Variants in EIF3B observed in about 807,000 individuals in gnomAD.
EIF3B encodes eukaryotic translation initiation factor 3 subunit B.
In EIF3B, 10 loss-of-function variants were observed where a neutral mutation model predicts 104.6. The observed-to-expected ratio is 0.10, with a 90% CI of 0.06 to 0.16. The LOEUF (loss-of-function observed/expected upper bound fraction) is 0.16, where lower values mean the gene tolerates loss of function less well. Ranked by LOEUF, EIF3B falls within the 10% of genes least tolerant of loss-of-function variation. EIF3B has a pLI of 1.00. For synonymous variants in EIF3B, 542 were observed against 417.2 expected, an observed-to-expected ratio of 1.30 and a Z score of -3.65; for missense variants, 1,014 against 1,087.9, an observed-to-expected ratio of 0.93 and a Z score of 0.96.
intron 15 of EIF3B, among the ~76,000 whole-genome samples, chr7:2,377,573 C>G (rs371630362): frequency 0.024 from 1,943 of 79,462 alleles, 66 homozygotes; most frequent in African/African-American, 0.1. Flanking sequence ...ATGCTGTGTT[C>G]TGTGAATGAC....
rs961886574 is a variant in EIF3B at position 2,380,229 on chromosome 7, G to C, written c.*40G>C. 1 of 422,176 alleles carries C rather than the reference G, an allele frequency of 2.4e-6. No homozygotes were observed. Among genetic ancestry groups the C allele is most frequent in the Non-Finnish European group, 4.7e-6 (1 of 210,952 alleles). 26.2% of individuals were successfully genotyped at this position (422,176 alleles called of 1,614,324 possible). On this transcript the variant is annotated 3_prime_UTR_variant, in exon 19 of 19. Transcript: ENST00000360876. ...GGGACGGACTCCGCCTGCTGTTCCC[G>C]CGCTGAGCTACAGGACTCCCGAGTG... is the stretch of plus-strand genomic sequence containing the variant.
intron 1 of EIF3B, among the ~76,000 whole-genome samples, chr7:2,360,069 T>C (rs1779648510): frequency 6.6e-6 from 1 of 152,182 alleles, no homozygotes; most frequent in African/African-American, 2.4e-5. Flanking sequence ...TTTGGGTTTT[T>C]TCCCCATCCC....
At chr7:2,378,994 T>A (rs1273992839) in intron 16 of EIF3B, 140 bp from the exon 17 acceptor site, 20 of 792,416 alleles carry the variant, frequency 2.5e-5, no homozygotes, top group Non-Finnish European at 4.1e-5. Flanking sequence ...GGGGGAAAAG[T>A]GAGAATGAAT....
At chr7:2,356,450 A>C (rs948908312) in intron 1 of EIF3B, among the ~76,000 whole-genome samples, 3 of 152,022 alleles carry the variant, frequency 2.0e-5, no homozygotes, top group African/African-American at 7.3e-5. Context: ...AAATAAAAAA[A>C]AATTAGCCGG....
In EIF3B at chr7:2,369,622, T is replaced by C. The variant is rs368996785; in HGVS notation, c.1554T>C (p.His518=). ...TCAATGTGGTGGACTGCAAGCTCCA[T>C]TGGCAGAAGAACGGAGACTACTTGT... is the stretch of plus-strand genomic sequence containing the variant. ...NLFNVVDCKL[H]WQKNGDYLCV... The change falls in exon 10 of 19, where the codon CAT becomes CAC. Residue 518 remains histidine, a synonymous_variant. Transcript: ENST00000360876. The C allele has an allele frequency of 1.5e-5, 25 of 1,613,990 alleles. No individual in the cohort carries two copies. In the African/African-American group the frequency reaches 2.3e-4, roughly 15 times the overall value.
At chr7:2,373,819 C>T (rs2115328186) in intron 12 of EIF3B, 1 of 152,384 alleles carries the variant, frequency 6.6e-6, no homozygotes, top group Admixed American at 6.5e-5. Context: ...GGCTCCATCC[C>T]ATGCCCGTGG....
chr7:2,361,274 G>T (rs1410041131), intron 2 of EIF3B, among the ~76,000 whole-genome samples: 2 of 152,074 alleles, frequency 1.3e-5, no homozygotes. Context: ...AATAAATAAA[G>T]TAAAAACTAA....
chr7:2,371,811 G>C lies in EIF3B; in HGVS notation c.1649G>C (p.Arg550Thr). The C allele has an allele frequency of 2.5e-6, 4 of 1,613,986 alleles. No individual in the cohort carries two copies. Among genetic ancestry groups the C allele is most frequent in the Non-Finnish European group, 3.4e-6 (4 of 1,179,978 alleles). The change falls in exon 11 of 19, where the codon AGG becomes ACG. Residue 550 changes from arginine (R) to threonine (T), a missense_variant. Physicochemically the swap from Arg to Thr is moderately conservative, Grantham distance 71 (BLOSUM62 -1). Coordinates refer to ENST00000360876, the MANE Select transcript of EIF3B (RefSeq NM_001037283.2). ...ACAAATTTTGAAATTTTCCGAATGA[G>C]GGAGAAACAGGTACCTGTGGATGTG... ...VVTNFEIFRMREKQVPVDVVE... is the reference protein window; with the variant it reads ...VVTNFEIFRMTEKQVPVDVVE...
chr7:2,355,414 G>C lies in EIF3B; in HGVS notation c.493G>C (p.Glu165Gln). The C allele has an allele frequency of 6.9e-7, 1 of 1,457,762 alleles. No individual in the cohort carries two copies. The highest frequency in any genetic ancestry group is 9.1e-7 in the Non-Finnish European group (1 of 1,104,362). 90.3% of individuals were successfully genotyped at this position (1,457,762 alleles called of 1,614,324 possible). A position where few individuals can be genotyped will look rare whatever the true frequency, so the allele number is the denominator to read the frequency against. The change falls in exon 1 of 19, where the codon GAG becomes CAG. Residue 165 changes from glutamate (E) to glutamine (Q), a missense_variant. Glu to Gln is a conservative substitution (Grantham distance 29, BLOSUM62 2). Around this residue, in one of 4 missense-constraint regions of EIF3B, gnomAD observed 488 missense variants for 404.3 expected, o/e 1.21. Coordinates refer to ENST00000360876, the MANE Select transcript of EIF3B (RefSeq NM_001037283.2). Reference sequence around the variant, plus strand: ...CGAGGACTTCGTGGACGACGTGAGCGAGGAAGGTGAGGGCGCCCGGGGCGG... The same window carrying C: ...CGAGGACTTCGTGGACGACGTGAGCCAGGAAGGTGAGGGCGCCCGGGGCGG... ...DPEDFVDDVSEEELLGDVLKD... is the reference protein window; with the variant it reads ...DPEDFVDDVSQEELLGDVLKD...
At chr7:2,371,004 A>C (rs989076696) in intron 10 of EIF3B, among the ~76,000 whole-genome samples, 1 of 152,170 alleles carries the variant, frequency 6.6e-6, no homozygotes, top group Non-Finnish European at 1.5e-5. Context: ...CGGAGCTTGC[A>C]GTGAGCCGAG....
chr7:2,367,824 A>ATTTTTTT (rs1562484073), intron 9 of EIF3B, among the ~76,000 whole-genome samples: 9 of 101,722 alleles, frequency 8.8e-5, no homozygotes, highest in African/African-American at 3.3e-4. Flanking sequence ...CTTTTTTTAA[A>ATTTTTTT]ATTTTTTTTT....
intron 10 of EIF3B, 75 bp downstream of exon 10, chr7:2,369,757 G>A: frequency 4.1e-6 from 3 of 735,912 alleles, no homozygotes; most frequent in East Asian, 3.0e-5. Context: ...TTTGGAGGGT[G>A]TTAATGGATT....
Position 2,379,177 on chromosome 7 carries a change from A to G in EIF3B, c.2276A>G (p.Lys759Arg). The change falls in exon 17 of 19, where the codon AAG becomes AGG. Residue 759 changes from lysine (K) to arginine (R), a missense_variant. Physicochemically the swap from Lys to Arg is conservative, Grantham distance 26. This residue lies in a region of EIF3B where 266 missense variants were observed against 324.0 expected (regional missense o/e 0.82). Coordinates refer to ENST00000360876, the MANE Select transcript of EIF3B (RefSeq NM_001037283.2). The part of the protein sequence containing the change: ...RRRTMMEDFR[K>R]YRKMAQELYM... ...CGCACCATGATGGAAGATTTCCGGA[A>G]GTACCGGAAAATGGCCCAGGAGCTC... 6.2e-7 allele frequency: 1 copy of G among 1,614,044 alleles called. No homozygotes were observed. Among genetic ancestry groups the G allele is most frequent in the Non-Finnish European group, 8.5e-7 (1 of 1,179,990 alleles).
chr7:2,365,683 T>G (rs78142274), intron 6 of EIF3B, among the ~76,000 whole-genome samples: 25 of 128,924 alleles, frequency 1.9e-4, no homozygotes, highest in East Asian at 6.2e-4. Flanking sequence ...TTGTTTTGTT[T>G]TTTTTTTTTT....
intron 5 of EIF3B, 163 bp from the exon 6 acceptor site, chr7:2,364,209 C>T (rs1779886216): frequency 1.6e-6 from 1 of 629,576 alleles, no homozygotes; most frequent in Non-Finnish European, 2.7e-6. Context: ...TTGCAGTGAG[C>T]TGAGATTGCG....
At chr7:2,374,332 T>A (rs1780521223) in intron 12 of EIF3B, 196 bp from the exon 13 acceptor site, 2 of 512,368 alleles carry the variant, frequency 3.9e-6, no homozygotes, top group African/African-American at 3.8e-5. Flanking sequence ...ATCTTCTTTT[T>A]TTTCCCATTT....
chr7:2,354,425 C>A (rs1319628877), upstream of EIF3B: 2 of 152,236 alleles, frequency 1.3e-5, 1 homozygote, highest in East Asian at 3.8e-4. Context: ...TGAGCAATCG[C>A]CTGTTGAGTC....
rs1344033351 is a variant in EIF3B, at chr7:2,372,742, G to A, written c.1757G>A (p.Arg586Gln). Residue 586 changes from arginine (R) to glutamine (Q), a missense_variant, in exon 12 of 19, where the codon CGG (arginine) becomes CAG (glutamine). Transcript: ENST00000360876. ...KFAVLHGEAPRISVSFYHVKN... is the reference protein window; with the variant it reads ...KFAVLHGEAPQISVSFYHVKN... ...GCTGTGCTGCACGGAGAGGCTCCGC[G>A]GATATCTGTGTCTTTCTACCACGTC... 1.2e-6 allele frequency: 2 copies of A among 1,614,122 alleles called. No individual in the cohort carries two copies. The highest frequency in any genetic ancestry group is 8.5e-7 in the Non-Finnish European group (1 of 1,180,002).
At chr7:2,374,364 G>C (rs1489812113) in intron 12 of EIF3B, 164 bp from the exon 13 acceptor site, 8 of 602,546 alleles carry the variant, frequency 1.3e-5, no homozygotes, top group African/African-American at 1.8e-5. Context: ...CATGACTTAG[G>C]GGGTACTTGG....
Sources: gnomAD v4.1 joint callset for allele counts (sites outside exome capture counted in the v4.1 genomes callset) on GRCh38, gnomAD v4.1.1 for gene constraint, gnomAD v4.1.1 regional missense constraint, MANE v1.5 for transcripts, NCBI Gene and HGNC (gene_info 2026-07-23, HGNC 2026-07-21) for gene names.